Variants in VTA1 observed in about 807,000 individuals in gnomAD.
VTA1 encodes vacuolar protein sorting-associated protein VTA1 homolog.
A neutral mutation model predicts 36.9 loss-of-function variants in VTA1; 24 were observed. That is an observed-to-expected ratio of 0.65 (90% CI 0.47 to 0.91). The LOEUF is 0.91. VTA1 is among the 40% of genes least tolerant of loss of function. The probability of loss-of-function intolerance (pLI) is 0.00; values close to 1 mark genes in which losing one functional copy is unlikely to be tolerated. For synonymous variants in VTA1, 142 were observed against 130.2 expected, an observed-to-expected ratio of 1.09 and a Z score of -0.62; for missense variants, 393 against 377.2, an observed-to-expected ratio of 1.04 and a Z score of -0.35.
intron 1 of VTA1, among the ~76,000 whole-genome samples, chr6:142,156,896 ACTTG>A (rs772939159): frequency 2.6e-5 from 4 of 152,214 alleles, no homozygotes; most frequent in Non-Finnish European, 5.9e-5. Flanking sequence ...ATTAACAATC[ACTTG>A]CTTATGCCTG....
At chr6:142,147,460 C>T (rs1008429318) in intron 1 of VTA1, 61 bp downstream of exon 1, 4 of 1,502,884 alleles carry the variant, frequency 2.7e-6, no homozygotes, top group South Asian at 2.3e-5. Context: ...GCCCACACAC[C>T]TCCCTGAGGT....
intron 4 of VTA1, among the ~76,000 whole-genome samples, chr6:142,174,628 G>A (rs574403277): frequency 9.2e-5 from 14 of 152,236 alleles, no homozygotes; most frequent in Middle Eastern, 3.4e-3. Flanking sequence ...GGGGGCGGGA[G>A]CAGAGGTGGA....
At chr6:142,157,283 T>A (rs746518030) in intron 1 of VTA1, among the ~76,000 whole-genome samples, 1 of 152,254 alleles carries the variant, frequency 6.6e-6, no homozygotes, top group Non-Finnish European at 1.5e-5. Flanking sequence ...AAGCAGTTCC[T>A]TTCAGTCTTT....
intron 1 of VTA1, among the ~76,000 whole-genome samples, chr6:142,164,742 A>G (rs1430766026): frequency 2.0e-5 from 3 of 152,178 alleles, no homozygotes; most frequent in Non-Finnish European, 4.4e-5. Context: ...GGGCCCTATT[A>G]TCCCATGGAA....
chr6:142,204,043 A>C lies in VTA1; in HGVS notation c.756A>C (p.Ala252=), dbSNP rs375996928. 4.3e-5 allele frequency: 70 copies of C among 1,613,542 alleles called. No individual in the cohort carries two copies. In the African/African-American group the frequency reaches 9.1e-4, roughly 21 times the overall value. ...AGACTATACCTGCCATTGATCCCGC[A>C]CTTTTCAATACAATTTCCCAGGGTA... ...TPQTIPAIDP[A]LFNTISQGDV... is the part of the protein sequence containing the mutation. Residue 252 remains alanine, a synonymous_variant, in exon 7 of 8, where the codon GCA becomes GCC. Coordinates refer to ENST00000367630, the MANE Select transcript of VTA1 (RefSeq NM_016485.5).
At chr6:142,181,094 A>AAATATATATATATATATATATATATATAT (rs1471429927) in intron 4 of VTA1, among the ~76,000 whole-genome samples, 1 of 36,440 alleles carries the variant, frequency 2.7e-5, no homozygotes, top group Non-Finnish European at 5.8e-5. Context: ...AAAAAAAAAA[A>AAATATATATATATATATATATATATATAT]ATATATATAT....
intron 1 of VTA1, among the ~76,000 whole-genome samples, chr6:142,163,119 T>C (rs1424896718): frequency 6.6e-6 from 1 of 152,172 alleles, no homozygotes; most frequent in Non-Finnish European, 1.5e-5. Context: ...GATTTACTCT[T>C]TCATGTAAAG....
chr6:142,184,595 C>G (rs1775305495), intron 4 of VTA1, among the ~76,000 whole-genome samples: 1 of 152,060 alleles, frequency 6.6e-6, no homozygotes, highest in Non-Finnish European at 1.5e-5. Flanking sequence ...AACATTTGCA[C>G]TTAGCCTTGG....
At chr6:142,216,511 GTTAC>G (rs1243343539) in intron 7 of VTA1, among the ~76,000 whole-genome samples, 2 of 152,016 alleles carry the variant, frequency 1.3e-5, no homozygotes, top group South Asian at 2.1e-4. Context: ...TACATTGGTT[GTTAC>G]TTAGTTCTTG....
chr6:142,168,350 A>G (rs556840693), intron 2 of VTA1, among the ~76,000 whole-genome samples: 3 of 152,158 alleles, frequency 2.0e-5, no homozygotes, highest in Non-Finnish European at 2.9e-5. Flanking sequence ...TTTCTGGACC[A>G]TAAGTTATTC....
At chr6:142,152,244 A>G (rs13437195) in intron 1 of VTA1, among the ~76,000 whole-genome samples, 5,364 of 152,208 alleles carry the variant, frequency 0.035, 315 homozygotes, top group African/African-American at 0.12. Context: ...TGCATACATC[A>G]CAGGAATTGA....
At chr6:142,170,606 A>T (rs111582266) in intron 4 of VTA1, among the ~76,000 whole-genome samples, 185 bp downstream of exon 4, 42 of 152,242 alleles carry the variant, frequency 2.8e-4, no homozygotes, top group Non-Finnish European at 5.3e-4. Flanking sequence ...AATATATTTT[A>T]ATTTTGTACT....
At chr6:142,190,907 A>G (rs930181467) in intron 5 of VTA1, among the ~76,000 whole-genome samples, 2 of 152,204 alleles carry the variant, frequency 1.3e-5, no homozygotes, top group Non-Finnish European at 2.9e-5. Context: ...CTGCCAGCCC[A>G]CTGGCCATAG....
intron 2 of VTA1, among the ~76,000 whole-genome samples, chr6:142,168,111 T>C (rs2114643462): frequency 6.6e-6 from 1 of 152,318 alleles, no homozygotes; most frequent in South Asian, 2.1e-4. Flanking sequence ...TATTACAGTT[T>C]TAAAACTTCA....
chr6:142,215,507 A>G (rs1775990704), intron 7 of VTA1, among the ~76,000 whole-genome samples: 1 of 152,156 alleles, frequency 6.6e-6, no homozygotes, highest in South Asian at 2.1e-4. Context: ...ACAGCACTTG[A>G]CATAATGAAA....
Position 142,219,309 on chromosome 6 carries a change from G to A in VTA1, c.*666G>A, listed in dbSNP as rs1371859257. On this transcript the variant is annotated 3_prime_UTR_variant, in exon 8 of 8. Transcript: ENST00000367630. The stretch of plus-strand genomic sequence containing the variant: ...CAAGTGCTTTACCTTATCTGTTAAA[G>A]CGTAAGATGAATTGGTATTTGCTTC... 6 of 152,190 alleles carry A rather than the reference G, an allele frequency of 3.9e-5. No individual in the cohort carries two copies. Among genetic ancestry groups the A allele is most frequent in the African/African-American group, 1.4e-4 (6 of 41,462 alleles). 9.4% of individuals were successfully genotyped at this position (152,190 alleles called of 1,614,324 possible).
At chr6:142,215,119 G>A (rs1775982103) in intron 7 of VTA1, among the ~76,000 whole-genome samples, 1 of 152,160 alleles carries the variant, frequency 6.6e-6, no homozygotes, top group South Asian at 2.1e-4. Flanking sequence ...GTATTAGAGT[G>A]TCAATGACAA....
chr6:142,183,334 A>AGT, intron 4 of VTA1, among the ~76,000 whole-genome samples: 1 of 152,296 alleles, frequency 6.6e-6, no homozygotes, highest in Non-Finnish European at 1.5e-5. Flanking sequence ...CTAATGGAGA[A>AGT]TAATTTATAT....
At chr6:142,169,734 A>G in intron 3 of VTA1, 57 bp downstream of exon 3, 1 of 1,410,062 alleles carries the variant, frequency 7.1e-7, no homozygotes, top group Non-Finnish European at 9.3e-7. Context: ...TATAACCAAA[A>G]TTAACTAGTT....
Sources: allele counts gnomAD v4.1 joint callset (sites outside exome capture counted in the v4.1 genomes callset), GRCh38; gene constraint gnomAD v4.1.1; transcripts MANE v1.5; gene names NCBI Gene and HGNC (gene_info 2026-07-23, HGNC 2026-07-21).